The following FRMD8 variants were observed in gnomAD, a reference collection of about 807,000 sequenced individuals.
FRMD8 encodes FERM domain-containing protein 8.
FRMD8 carries 37 observed loss-of-function variants against 54.2 expected under a neutral mutation model. The observed-to-expected ratio is 0.68, with a 90% CI of 0.53 to 0.90. The LOEUF is 0.90. Among genes scored for constraint, FRMD8 ranks in the 40% least tolerant of loss-of-function variants. FRMD8 has a pLI of 0.00. For missense variants in FRMD8, 585 were observed against 653.7 expected, an observed-to-expected ratio of 0.89 and a Z score of 1.15; for synonymous variants, 246 against 286.9, an observed-to-expected ratio of 0.86 and a Z score of 1.44.
At chr11:65,369,083 T>A in the FRMD8 span, among the ~76,000 whole-genome samples, 8 of 152,086 alleles carry the variant, frequency 5.3e-5, no homozygotes, top group African/African-American at 1.7e-4. Context: ...AGACCCTATC[T>A]CTAACATAAT....
the FRMD8 span, chr11:65,379,350 T>C: frequency 1.2e-6 from 2 of 1,603,344 alleles, no homozygotes; most frequent in Admixed American, 1.7e-5. Flanking sequence ...ATGACACCTG[T>C]GTGTGCCCAC....
chr11:65,406,830 T>C (rs1191594245), intron 10 of FRMD8, among the ~76,000 whole-genome samples: 1 of 151,840 alleles, frequency 6.6e-6, no homozygotes, highest in African/African-American at 2.4e-5. Flanking sequence ...TCCCAGCTAC[T>C]TGGGAGGCTG....
chr11:65,387,239 A>G (rs1445295146), intron 2 of FRMD8, 118 bp downstream of exon 2: 7 of 896,478 alleles, frequency 7.8e-6, no homozygotes, highest in Non-Finnish European at 1.3e-5. Flanking sequence ...AAGAAATAAT[A>G]AGGTACATTC....
chr11:65,389,428 G>A lies in FRMD8; in HGVS notation c.153G>A (p.Ser51=), dbSNP rs1269320819. 9.9e-6 allele frequency: 16 copies of A among 1,610,154 alleles called. No homozygotes were observed. Among genetic ancestry groups the A allele is most frequent in the South Asian group, 2.2e-5 (2 of 91,084 alleles). The change falls in exon 3 of 11, where the codon TCG becomes TCA. Residue 51 remains serine, a synonymous_variant. Coordinates refer to ENST00000317568, the MANE Select transcript of FRMD8 (RefSeq NM_031904.5). ...CCCTGGCTGTGGAGAACCTGCCCTC[G>A]CTCAGTGCCCATGAGCTGCACCGCG... is the stretch of plus-strand genomic sequence containing the variant. ...VVPLAVENLP[S]LSAHELHRAV...
intron 10 of FRMD8, among the ~76,000 whole-genome samples, chr11:65,406,393 A>G (rs1032447352): frequency 1.3e-5 from 2 of 151,620 alleles, no homozygotes; most frequent in African/African-American, 4.8e-5. Context: ...ACGGGGTTTC[A>G]CCGTGTTAGC....
intron 7 of FRMD8, among the ~76,000 whole-genome samples, 198 bp downstream of exon 7, chr11:65,397,218 A>T (rs1398014539): frequency 6.6e-6 from 1 of 152,100 alleles, no homozygotes; most frequent in African/African-American, 2.4e-5. Context: ...GGGCTGGGAC[A>T]CCTTGGATGG....
chr11:65,379,338 C>T, the FRMD8 span: 1 of 1,599,794 alleles, frequency 6.3e-7, no homozygotes, highest in Admixed American at 1.7e-5. Flanking sequence ...ATGACCATCC[C>T]TATGACACCT....
At chr11:65,377,421 T>C in the FRMD8 span, 4 of 1,125,708 alleles carry the variant, frequency 3.6e-6, no homozygotes, top group African/African-American at 3.3e-5. Flanking sequence ...GCAGTGAGCA[T>C]ACCTGTACGG....
chr11:65,391,668 G>T (rs964992269), intron 3 of FRMD8, among the ~76,000 whole-genome samples: 2 of 151,978 alleles, frequency 1.3e-5, no homozygotes, highest in African/African-American at 4.8e-5. Flanking sequence ...GCGACACCAC[G>T]CCTGGCTAAT....
At chr11:65,380,520 A>C in the FRMD8 span, 1 of 1,384,384 alleles carries the variant, frequency 7.2e-7, no homozygotes, top group Non-Finnish European at 9.5e-7. Context: ...TGGGAGAATC[A>C]CCCAGGTTCC....
At chr11:65,372,068 C>T in the FRMD8 span, among the ~76,000 whole-genome samples, 11,667 of 151,910 alleles carry the variant, frequency 0.077, 509 homozygotes, top group South Asian at 0.14. Context: ...TGTGCCACCA[C>T]GCCTGGCTAA....
upstream of FRMD8, among the ~76,000 whole-genome samples, chr11:65,385,590 C>G (rs1855716118): frequency 1.3e-5 from 2 of 152,268 alleles, no homozygotes; most frequent in African/African-American, 4.8e-5. Flanking sequence ...CTCAGATGCA[C>G]ACATGTTGCA....
the FRMD8 span, chr11:65,376,595 ACTTGATCATGT>A: frequency 6.2e-7 from 1 of 1,614,080 alleles, no homozygotes; most frequent in Non-Finnish European, 8.5e-7. Flanking sequence ...TGCATCCGGG[ACTTGATCATGT>A]CTAAGGGCGT....
Position 65,404,848 on chromosome 11 carries a change from G to A in FRMD8, c.1072-16G>A. On this transcript the variant is annotated splice_polypyrimidine_tract_variant and intron_variant, in intron 9 of 10. Transcript: ENST00000317568. The surrounding 1 kb of genome is among the most constrained non-coding windows in gnomAD (Gnocchi z 4.7). ...GGGGGCCCTGGCCAGGCCTCACACT[G>A]CCCCCTCCTCCCCAGGCCGAACTGA... The A allele has an allele frequency of 6.2e-7, 1 of 1,604,158 alleles. No homozygotes were observed. Among genetic ancestry groups the A allele is most frequent in the Non-Finnish European group, 8.5e-7 (1 of 1,173,320 alleles).
intron 4 of FRMD8, 32 bp from the exon 5 acceptor site, chr11:65,394,009 A>G (rs1855894138): frequency 6.2e-7 from 1 of 1,611,616 alleles, no homozygotes; most frequent in Admixed American, 1.7e-5. Context: ...CAGAGTGGGG[A>G]TGCCCGGCAG....
Position 65,389,441 on chromosome 11 carries a change from G to T in FRMD8, c.166G>T (p.Glu56Ter). 6.2e-7 allele frequency: 1 copy of T among 1,610,146 alleles called. No individual in the cohort carries two copies. ...VENLPSLSAH[E>*]LHRAVREVLQ... ...GAACCTGCCCTCGCTCAGTGCCCAT[G>T]AGCTGCACCGCGCTGTCCGCGAGGT... Residue 56 changes from glutamate (E) to a stop codon, truncating the protein, a stop_gained, in exon 3 of 11, where the codon GAG (glutamate) becomes TAG (stop). Transcript: ENST00000317568. LOFTEE classifies it high-confidence loss of function.
At chr11:65,395,692 T>C (rs1031135831) in intron 6 of FRMD8, among the ~76,000 whole-genome samples, 3 of 152,220 alleles carry the variant, frequency 2.0e-5, no homozygotes, top group African/African-American at 7.2e-5. Flanking sequence ...ATGCCCTTTC[T>C]TTTGTGAGCC....
At chr11:65,397,305 C>T (rs995349627) in intron 7 of FRMD8, among the ~76,000 whole-genome samples, 3 of 152,212 alleles carry the variant, frequency 2.0e-5, no homozygotes, top group Non-Finnish European at 2.9e-5. Flanking sequence ...GTCTCTGTCA[C>T]GCAATTGTTG....
At chr11:65,371,560 A>T in the FRMD8 span, among the ~76,000 whole-genome samples, 1 of 152,230 alleles carries the variant, frequency 6.6e-6, no homozygotes, top group Admixed American at 6.5e-5. Context: ...CCATCTGTTA[A>T]ATCCTTAAGC....
Sources: gnomAD v4.1 joint callset for allele counts (sites outside exome capture counted in the v4.1 genomes callset) on GRCh38, gnomAD v4.1.1 for gene constraint, Gnocchi (gnomAD v3.1) non-coding constraint, MANE v1.5 for transcripts, NCBI Gene and HGNC (gene_info 2026-07-23, HGNC 2026-07-21) for gene names.